UBAP1: variants seen among roughly 807,000 people sequenced by gnomAD.
The protein encoded by UBAP1 is ubiquitin-associated protein 1.
A neutral mutation model predicts 39.0 loss-of-function variants in UBAP1; 5 were observed. The ratio of observed to expected loss-of-function variants is 0.13; its 90% CI spans 0.07 to 0.27. The LOEUF (loss-of-function observed/expected upper bound fraction) is 0.27. UBAP1 is among the 10% of genes least tolerant of loss of function. The probability of loss-of-function intolerance (pLI) is 1.00; values close to 1 mark genes in which losing one functional copy is unlikely to be tolerated. For missense variants in UBAP1, 490 were observed against 608.1 expected (o/e 0.81, Z 2.04); for synonymous variants, 211 against 225.1 (o/e 0.94, Z 0.56).
chr9:34,251,637 G>C lies in UBAP1; in HGVS notation c.*105G>C, dbSNP rs1244107767. 7.7e-7 allele frequency: 1 copy of C among 1,303,082 alleles called. No individual in the cohort carries two copies. The highest frequency in any genetic ancestry group is 1.5e-5 in the African/African-American group (1 of 67,112). 80.7% of individuals were successfully genotyped at this position (1,303,082 alleles called of 1,614,324 possible). A position where few individuals can be genotyped will look rare whatever the true frequency, so the allele number is the denominator to read the frequency against. ...GGGGCAGCTTCCGGATTTTCTTTTG[G>C]GGGTTAGAAGGTCAGGTGTGGAGAC... On this transcript the variant is annotated 3_prime_UTR_variant, in exon 7 of 7. Coordinates refer to ENST00000297661, the MANE Select transcript of UBAP1 (RefSeq NM_016525.5).
rs183269064 is a variant in UBAP1 at position 34,197,145 on chromosome 9, G to A, written c.-8+17905G>A. Reference sequence around the variant, plus strand: ...GTTTCACTATGTTGGCCAGGCTGGCGTTGAACTCTTGACCTTGTGATCCGC... The same window carrying A: ...GTTTCACTATGTTGGCCAGGCTGGCATTGAACTCTTGACCTTGTGATCCGC... On this transcript the variant is annotated intron_variant, in intron 1 of 6. Transcript: ENST00000297661. 5.2e-3 allele frequency among the ~76,000 whole-genome samples: 793 copies of A among 151,942 alleles called. 1 individual carries two copies. The highest frequency in any genetic ancestry group is 9.1e-3 in the Non-Finnish European group (621 of 67,944).
At chr9:34,182,668 TTTC>T (rs768566450) in intron 1 of UBAP1, among the ~76,000 whole-genome samples, 3,531 of 65,190 alleles carry the variant, frequency 0.054, 132 homozygotes, top group Non-Finnish European at 0.088. Context: ...TCTTTCTTTC[TTTC>T]TTTCTTTCTT....
chr9:34,243,337 C>T (rs1435649905), intron 4 of UBAP1, among the ~76,000 whole-genome samples: 6 of 152,148 alleles, frequency 3.9e-5, no homozygotes, highest in Admixed American at 6.5e-5. Flanking sequence ...CAAACTAGAA[C>T]GCTTGTCATT....
At chr9:34,207,558 G>C (rs1444015504) in intron 1 of UBAP1, among the ~76,000 whole-genome samples, 2 of 151,678 alleles carry the variant, frequency 1.3e-5, no homozygotes, top group Non-Finnish European at 2.9e-5. Context: ...TTTCAGTACA[G>C]GTTTAGTTTT....
intron 2 of UBAP1, among the ~76,000 whole-genome samples, chr9:34,221,389 C>T (rs574979713): frequency 8.8e-4 from 134 of 151,964 alleles, no homozygotes; most frequent in African/African-American, 3.0e-3. Flanking sequence ...ATTAGCCGGG[C>T]GTGTTGGCGG....
At position 34,241,630 on chromosome 9, in the gene UBAP1, G is replaced by C. The variant is rs1336439429; in HGVS notation, c.605G>C (p.Arg202Thr). Residue 202 changes from arginine to threonine, a missense_variant, in exon 4 of 7, where the codon AGG (arginine) becomes ACG (threonine). Arg to Thr is a moderately conservative substitution (Grantham distance 71, BLOSUM62 -1). Coordinates refer to ENST00000297661, the MANE Select transcript of UBAP1 (RefSeq NM_016525.5). ...CAGTTATTGGACAATAACTTGCCCA[G>C]GGGAGGCTCTGGGTCTGTGTTACAG... ...MAQLLDNNLPRGGSGSVLQDE... is the reference protein window; with the variant it reads ...MAQLLDNNLPTGGSGSVLQDE... 8 of 1,613,964 alleles carry C rather than the reference G, an allele frequency of 5.0e-6. No homozygotes were observed. The highest frequency in any genetic ancestry group is 5.9e-6 in the Non-Finnish European group (7 of 1,180,016).
chr9:34,223,987 T>C (rs1335594473), intron 2 of UBAP1: 1 of 431,474 alleles, frequency 2.3e-6, no homozygotes, highest in Non-Finnish European at 4.3e-6. Flanking sequence ...CGAGGATTTA[T>C]TTGCCTTTCC....
intron 1 of UBAP1, among the ~76,000 whole-genome samples, chr9:34,196,464 C>T (rs916221072): frequency 6.6e-6 from 1 of 151,644 alleles, no homozygotes; most frequent in African/African-American, 2.4e-5. Flanking sequence ...TACAGGTATG[C>T]ATCACCACGC....
chr9:34,208,532 CT>C (rs1334212321), intron 1 of UBAP1, among the ~76,000 whole-genome samples: 4 of 152,100 alleles, frequency 2.6e-5, no homozygotes, highest in Non-Finnish European at 4.4e-5. Context: ...AATCCCAGCA[CT>C]TTGGGAGGCC....
chr9:34,243,570 C>T (rs2131625195), intron 4 of UBAP1, among the ~76,000 whole-genome samples: 1 of 151,930 alleles, frequency 6.6e-6, no homozygotes, highest in East Asian at 1.9e-4. Context: ...ACTGCAACCT[C>T]CACCTCCCAG....
At chr9:34,217,630 CAA>C (rs923589674) in intron 1 of UBAP1, among the ~76,000 whole-genome samples, 2 of 137,200 alleles carry the variant, frequency 1.5e-5, no homozygotes. Context: ...ACCTGAGTAA[CAA>C]AAAAAAAAGC....
chr9:34,189,844 C>T (rs1002595470), intron 1 of UBAP1, among the ~76,000 whole-genome samples: 2 of 151,598 alleles, frequency 1.3e-5, no homozygotes, highest in Middle Eastern at 3.4e-3. Context: ...CCGTGTTGGT[C>T]TGGCTGGACT....
At chr9:34,198,120 TG>T (rs1422817814) in intron 1 of UBAP1, among the ~76,000 whole-genome samples, 3 of 152,078 alleles carry the variant, frequency 2.0e-5, no homozygotes, top group Non-Finnish European at 4.4e-5. Flanking sequence ...GTCTGTTGGC[TG>T]GGCTCTGAGG....
At chr9:34,202,199 T>C (rs191421537) in intron 1 of UBAP1, among the ~76,000 whole-genome samples, 1 of 152,208 alleles carries the variant, frequency 6.6e-6, no homozygotes, top group East Asian at 1.9e-4. Flanking sequence ...ACGCTTTCAC[T>C]CTGTTGCCCA....
At chr9:34,185,187 GCCTCCCAAAGTGCTGGGATTA>G (rs1274845414) in intron 1 of UBAP1, among the ~76,000 whole-genome samples, 3 of 152,244 alleles carry the variant, frequency 2.0e-5, no homozygotes, top group Admixed American at 2.0e-4. Flanking sequence ...GCCTGCCTCG[GCCTCCCAAAGTGCTGGGATTA>G]CAGGCATGAG....
intron 1 of UBAP1, among the ~76,000 whole-genome samples, chr9:34,181,666 T>G (rs1389087736): frequency 1.4e-5 from 2 of 147,956 alleles, no homozygotes; most frequent in Non-Finnish European, 3.0e-5. Flanking sequence ...TCTCCTGACC[T>G]CGTGATCCGC....
chr9:34,185,053 G>T (rs1830322370), intron 1 of UBAP1, among the ~76,000 whole-genome samples: 1 of 149,954 alleles, frequency 6.7e-6, no homozygotes, highest in African/African-American at 2.5e-5. Flanking sequence ...TCCTGTGTCA[G>T]CCTCCCTAGT....
intron 2 of UBAP1, among the ~76,000 whole-genome samples, chr9:34,223,344 C>T (rs1362030332): frequency 6.6e-6 from 1 of 151,078 alleles, no homozygotes; most frequent in Non-Finnish European, 1.5e-5. Context: ...GAAGGAGAAT[C>T]GCTTGAACCT....
In UBAP1 at chr9:34,251,796, T is replaced by C. The variant is rs1276555810; in HGVS notation, c.*264T>C. ...GCATTTTGAGAAGTGTCCTTCCCACTTCAGCCCTCCGGAGAGACTACCCTA... is the reference window on the plus strand; with the variant it reads ...GCATTTTGAGAAGTGTCCTTCCCACCTCAGCCCTCCGGAGAGACTACCCTA... On this transcript the variant is annotated 3_prime_UTR_variant, in exon 7 of 7. Coordinates refer to ENST00000297661, the MANE Select transcript of UBAP1 (RefSeq NM_016525.5). The C allele has an allele frequency of 4.8e-6, 2 of 415,198 alleles. No homozygotes were observed. The highest frequency in any genetic ancestry group is 2.0e-5 in the African/African-American group (1 of 50,740). The allele number at this position is 415,198 out of a possible 1,614,324, so 25.7% of individuals were successfully genotyped here. A position where few individuals can be genotyped will look rare whatever the true frequency, so the allele number is the denominator to read the frequency against.
Sources: allele counts gnomAD v4.1 joint callset (sites outside exome capture counted in the v4.1 genomes callset), GRCh38; gene constraint gnomAD v4.1.1; transcripts MANE v1.5; gene names NCBI Gene and HGNC (gene_info 2026-07-23, HGNC 2026-07-21).